Variants in PRKCB observed in about 807,000 individuals in gnomAD.
The protein encoded by PRKCB is protein kinase C beta, also known as protein kinase C beta type.
In PRKCB, 13 loss-of-function variants were observed where a neutral mutation model predicts 81.5. The observed-to-expected ratio is 0.16, with a 90% CI of 0.10 to 0.25. The LOEUF (loss-of-function observed/expected upper bound fraction) is 0.25, where lower values mean the gene tolerates loss of function less well. PRKCB is among the 10% of genes least tolerant of loss of function. The pLI, the probability that PRKCB is intolerant of heterozygous loss-of-function variation, is 1.00. For missense variants in PRKCB, 509 were observed against 875.7 expected (o/e 0.58, Z 5.29); for synonymous variants, 335 against 321.4 (o/e 1.04, Z -0.45).
intron 2 of PRKCB, among the ~76,000 whole-genome samples, chr16:23,845,676 C>T (rs942290477): frequency 6.6e-6 from 1 of 152,054 alleles, no homozygotes; most frequent in African/African-American, 2.4e-5. Flanking sequence ...ATGGAGAAAC[C>T]GTAAATATTT....
intron 2 of PRKCB, among the ~76,000 whole-genome samples, chr16:23,972,790 T>C (rs1964574741): frequency 6.6e-6 from 1 of 152,074 alleles, no homozygotes; most frequent in Non-Finnish European, 1.5e-5. Flanking sequence ...AATCAGCCAA[T>C]TAAATACTGA....
chr16:23,974,749 A>C (rs1165555292), intron 2 of PRKCB, among the ~76,000 whole-genome samples: 1 of 152,162 alleles, frequency 6.6e-6, no homozygotes, highest in Non-Finnish European at 1.5e-5. Context: ...GGAAAAAAAA[A>C]ACTGGAAATA....
At chr16:23,991,201 C>T (rs1015779989) in intron 3 of PRKCB, among the ~76,000 whole-genome samples, 55 of 152,282 alleles carry the variant, frequency 3.6e-4, no homozygotes, top group African/African-American at 1.3e-3. Context: ...GAGGGCATAT[C>T]TGTTGCCATA....
chr16:23,898,167 G>T (rs146295103), intron 2 of PRKCB, among the ~76,000 whole-genome samples: 222 of 151,628 alleles, frequency 1.5e-3, no homozygotes, highest in Non-Finnish European at 2.7e-3. Context: ...CCAGGTTCAC[G>T]CCATTCTCCT....
chr16:24,087,811 G>C (rs986961671), intron 5 of PRKCB, among the ~76,000 whole-genome samples: 2 of 152,182 alleles, frequency 1.3e-5, no homozygotes, highest in Admixed American at 1.3e-4. Context: ...CTGTCTTAGA[G>C]AACTTGGACC....
At chr16:24,078,279 A>G (rs965015605) in intron 5 of PRKCB, among the ~76,000 whole-genome samples, 2 of 152,228 alleles carry the variant, frequency 1.3e-5, no homozygotes, top group African/African-American at 4.8e-5. Flanking sequence ...TCCATGCTTC[A>G]TGCTGCATTT....
intron 3 of PRKCB, among the ~76,000 whole-genome samples, chr16:24,030,805 G>C (rs973723046): frequency 6.6e-6 from 1 of 151,604 alleles, no homozygotes; most frequent in African/African-American, 2.4e-5. Context: ...GGCTGAGACA[G>C]AAGAATCACT....
chr16:23,879,283 G>A (rs914016090), intron 2 of PRKCB, among the ~76,000 whole-genome samples: 17 of 152,092 alleles, frequency 1.1e-4, no homozygotes. Flanking sequence ...CTGAGAGCTG[G>A]GCACTGAAGC....
At chr16:24,054,904 A>G (rs148212095) in intron 5 of PRKCB, among the ~76,000 whole-genome samples, 1 of 152,360 alleles carries the variant, frequency 6.6e-6, no homozygotes, top group African/African-American at 2.4e-5. Flanking sequence ...ATCTGTCTGC[A>G]TCACTGTGGT....
intron 2 of PRKCB, among the ~76,000 whole-genome samples, chr16:23,911,454 A>G (rs1031347704): frequency 3.3e-5 from 5 of 152,006 alleles, no homozygotes; most frequent in African/African-American, 1.2e-4. Flanking sequence ...CATGTTTTCA[A>G]TTCTCTTGGG....
At chr16:24,125,764 T>A (rs1480925692) in intron 9 of PRKCB, among the ~76,000 whole-genome samples, 1 of 152,206 alleles carries the variant, frequency 6.6e-6, no homozygotes, top group East Asian at 1.9e-4. Context: ...GGATTCTCTC[T>A]GTCTGTGGGT....
At chr16:24,052,241 C>T (rs1013400482) in intron 5 of PRKCB, among the ~76,000 whole-genome samples, 2 of 152,024 alleles carry the variant, frequency 1.3e-5, no homozygotes, top group African/African-American at 4.8e-5. Flanking sequence ...TAGAGAGTGC[C>T]CCACCCTCAG....
At chr16:24,157,927 A>T (rs1967187669) in intron 10 of PRKCB, among the ~76,000 whole-genome samples, 1 of 152,046 alleles carries the variant, frequency 6.6e-6, no homozygotes, top group African/African-American at 2.4e-5. Flanking sequence ...GGTATGTCTA[A>T]TGGACTAATG....
intron 2 of PRKCB, among the ~76,000 whole-genome samples, chr16:23,879,195 G>C (rs553675627): frequency 6.6e-6 from 1 of 151,508 alleles, no homozygotes; most frequent in Non-Finnish European, 1.5e-5. Context: ...AAAAGAGGCA[G>C]TGTAGTGGTT....
chr16:24,037,726 C>G (rs1220272098), intron 5 of PRKCB, among the ~76,000 whole-genome samples: 7 of 152,180 alleles, frequency 4.6e-5, no homozygotes, highest in Non-Finnish European at 1.5e-5. Context: ...CCCCCTTAAT[C>G]ATAGATATGC....
At chr16:24,179,191 G>A (rs4620959) in intron 12 of PRKCB, among the ~76,000 whole-genome samples, 14,303 of 152,200 alleles carry the variant, frequency 0.094, 761 homozygotes, top group East Asian at 0.19. Context: ...GCCCATTCCT[G>A]AATCAATCAC....
At position 24,018,736 on chromosome 16, in the gene PRKCB, G is replaced by A. The variant is rs545089274; in HGVS notation, c.289-13400G>A. ...GTATATCAGGCGGTTGAAGCAAATC[G>A]TCACCCAACACACAAGTGTTTACAT... On this transcript the variant is annotated intron_variant, in intron 3 of 16. Transcript: ENST00000643927. Among the ~76,000 whole-genome samples the A allele has an allele frequency of 1.1e-4, 17 of 152,336 alleles. No homozygotes were observed. In the East Asian group the frequency reaches 3.1e-3, roughly 28 times the overall value.
chr16:24,050,629 G>A (rs991666568), intron 5 of PRKCB, among the ~76,000 whole-genome samples: 2 of 152,054 alleles, frequency 1.3e-5, no homozygotes, highest in Non-Finnish European at 2.9e-5. Flanking sequence ...CCTCTCTTTT[G>A]TGGCCCTCTT....
At chr16:23,840,107 G>A (rs181231970) in intron 2 of PRKCB, among the ~76,000 whole-genome samples, 52 of 152,300 alleles carry the variant, frequency 3.4e-4, no homozygotes, top group Admixed American at 3.3e-3. Context: ...GGAACATATA[G>A]GAAAGAGGGA....
Sources: allele counts gnomAD v4.1 joint callset (sites outside exome capture counted in the v4.1 genomes callset), GRCh38; gene constraint gnomAD v4.1.1; transcripts MANE v1.5; gene names NCBI Gene and HGNC (gene_info 2026-07-23, HGNC 2026-07-21).